The following FAM210A variants were observed in gnomAD, a reference collection of about 807,000 sequenced individuals.
FAM210A encodes the protein family with sequence similarity 210 member A.
A neutral mutation model predicts 25.3 loss-of-function variants in FAM210A; 13 were observed. The ratio of observed to expected loss-of-function variants is 0.51; its 90% CI spans 0.33 to 0.82. FAM210A has a LOEUF of 0.82. Ranked by LOEUF, FAM210A falls within the 40% of genes least tolerant of loss-of-function variation. The pLI, the probability that FAM210A is intolerant of heterozygous loss-of-function variation, is 0.02. For synonymous variants in FAM210A, 125 were observed against 118.7 expected (o/e 1.05, Z -0.35); for missense variants, 319 against 323.2 (o/e 0.99, Z 0.10).
At chr18:13,717,191 C>G (rs1363491308) in intron 1 of FAM210A, among the ~76,000 whole-genome samples, 1 of 152,078 alleles carries the variant, frequency 6.6e-6, no homozygotes, top group Non-Finnish European at 1.5e-5. Context: ...ATATGTTAAT[C>G]CCCCCAAGCA....
chr18:13,683,413 A>G (rs1160029082), intron 1 of FAM210A, among the ~76,000 whole-genome samples: 2 of 152,178 alleles, frequency 1.3e-5, no homozygotes, highest in African/African-American at 4.8e-5. Flanking sequence ...AAAGATTTAC[A>G]AGATGGCGAG....
At chr18:13,720,992 T>C (rs1260537234) in intron 1 of FAM210A, among the ~76,000 whole-genome samples, 1 of 152,208 alleles carries the variant, frequency 6.6e-6, no homozygotes, top group African/African-American at 2.4e-5. Flanking sequence ...CCAGTTGTGT[T>C]GGATTAGGGG....
rs943440145 is a variant in FAM210A, at chr18:13,695,767, C to T, written c.-28-13662G>A. On this transcript the variant is annotated intron_variant, in intron 1 of 3. Transcript: ENST00000651643. The stretch of plus-strand genomic sequence containing the variant: ...TAGGAGATATACCTAATGTAAATGA[C>T]GAGTTAATGGGTGCAGCACACCAAC... 4.0e-5 allele frequency among the ~76,000 whole-genome samples: 6 copies of T among 151,750 alleles called. No homozygotes were observed. The East Asian group carries it at 5.8e-4, about 15-fold the overall frequency.
chr18:13,712,546 A>C (rs2043829910), intron 1 of FAM210A, among the ~76,000 whole-genome samples: 2 of 152,134 alleles, frequency 1.3e-5, no homozygotes, highest in Admixed American at 1.3e-4. Flanking sequence ...TTAGGTCATG[A>C]GGGCAGAGCA....
chr18:13,681,829 A>G lies in FAM210A; in HGVS notation c.249T>C (p.His83=), dbSNP rs2043556454. 6.2e-7 allele frequency: 1 copy of G among 1,614,170 alleles called. No homozygotes were observed. Among genetic ancestry groups the G allele is most frequent in the Non-Finnish European group, 8.5e-7 (1 of 1,180,028 alleles). Residue 83 remains histidine, a synonymous_variant, in exon 2 of 4, where the codon CAT becomes CAC. Transcript: ENST00000651643. ...AHPPQPGVLR[H]KQGKQHVSFR... is the part of the protein sequence containing the mutation. Reference sequence around the variant, plus strand: ...ATGAAACATGTTGCTTCCCTTGCTTATGGCGAAGGACTCCTGGTTGGGGTG... The same window carrying G: ...ATGAAACATGTTGCTTCCCTTGCTTGTGGCGAAGGACTCCTGGTTGGGGTG...
At chr18:13,707,741 G>A (rs1412180845) in intron 1 of FAM210A, among the ~76,000 whole-genome samples, 1 of 152,224 alleles carries the variant, frequency 6.6e-6, no homozygotes, top group Non-Finnish European at 1.5e-5. Flanking sequence ...AGGAGTGTGC[G>A]CCTGTAACAA....
At chr18:13,721,436 C>A (rs1299672327) in intron 1 of FAM210A, among the ~76,000 whole-genome samples, 2 of 152,142 alleles carry the variant, frequency 1.3e-5, no homozygotes, top group Non-Finnish European at 2.9e-5. Context: ...TCTGCACAGG[C>A]CAAACAGGAG....
intron 1 of FAM210A, among the ~76,000 whole-genome samples, chr18:13,722,555 C>T (rs996533209): frequency 7.9e-5 from 12 of 152,178 alleles, no homozygotes; most frequent in Non-Finnish European, 4.4e-5. Flanking sequence ...AGGAGTTTAA[C>T]ATCCCCAGCT....
At chr18:13,689,573 C>T (rs531311595) in intron 1 of FAM210A, among the ~76,000 whole-genome samples, 45 of 152,152 alleles carry the variant, frequency 3.0e-4, no homozygotes, top group Non-Finnish European at 5.3e-4. Flanking sequence ...GCTGGACGCT[C>T]GCCCCCGTGG....
chr18:13,717,442 CCAAGTCT>C (rs2043869733), intron 1 of FAM210A, among the ~76,000 whole-genome samples: 1 of 144,638 alleles, frequency 6.9e-6, no homozygotes, highest in Admixed American at 7.2e-5. Context: ...TGTGCCCAGC[CCAAGTCT>C]AAGTTTTGAA....
At chr18:13,707,552 A>T (rs1282380307) in intron 1 of FAM210A, among the ~76,000 whole-genome samples, 1 of 152,248 alleles carries the variant, frequency 6.6e-6, no homozygotes, top group East Asian at 1.9e-4. Flanking sequence ...TGATGGTAAT[A>T]GTGACATCAA....
chr18:13,692,495 T>C (rs1231369902), intron 1 of FAM210A, among the ~76,000 whole-genome samples: 2 of 152,168 alleles, frequency 1.3e-5, no homozygotes, highest in African/African-American at 4.8e-5. Flanking sequence ...ACTGACCACA[T>C]AGTTGGAAGT....
intron 2 of FAM210A, among the ~76,000 whole-genome samples, chr18:13,681,141 T>C (rs1391187146): frequency 2.6e-5 from 4 of 152,216 alleles, no homozygotes; most frequent in African/African-American, 9.6e-5. Flanking sequence ...GTCATGGTGC[T>C]GCCAAATTTC....
chr18:13,681,735 A>C lies in FAM210A; in HGVS notation c.343T>G (p.Leu115Val). 2 of 1,614,214 alleles carry C rather than the reference A, an allele frequency of 1.2e-6. No individual in the cohort carries two copies. Among genetic ancestry groups the C allele is most frequent in the Non-Finnish European group, 1.7e-6 (2 of 1,180,038 alleles). The change falls in exon 2 of 4, where the codon TTG becomes GTG. Residue 115 changes from leucine (L) to valine (V), a missense_variant. Transcript: ENST00000651643. ...TPEKKEEPDP[L>V]QDKSISLYQR... is the part of the protein sequence containing the mutation. Reference sequence around the variant, plus strand: ...TAAAGACTAATAGATTTGTCTTGCAAAGGATCAGGCTCTTCCTTTTTTTCC... The same window carrying C: ...TAAAGACTAATAGATTTGTCTTGCACAGGATCAGGCTCTTCCTTTTTTTCC...
In FAM210A at chr18:13,664,957, T is replaced by G. The variant is rs1001207747; in HGVS notation, c.*1523A>C. The stretch of plus-strand genomic sequence containing the variant: ...AGGGTTAGAACTGAAATAGTCACTG[T>G]TAGAGCACAGGAAATAGACACTTAC... On this transcript the variant is annotated 3_prime_UTR_variant, in exon 4 of 4. Transcript: ENST00000651643. 6.6e-6 allele frequency: 1 copy of G among 152,604 alleles called. No individual in the cohort carries two copies. The highest frequency in any genetic ancestry group is 1.5e-5 in the Non-Finnish European group (1 of 68,034). The allele number at this position is 152,604 out of a possible 1,614,324, so 9.5% of individuals were successfully genotyped here.
intron 3 of FAM210A, among the ~76,000 whole-genome samples, chr18:13,669,817 T>A (rs2043427864): frequency 6.6e-6 from 1 of 152,178 alleles, no homozygotes; most frequent in Non-Finnish European, 1.5e-5. Flanking sequence ...AAAGAGATTA[T>A]GAGGCAGTCA....
rs2043392380 is a variant in FAM210A, at chr18:13,665,405, A to AAAAAAAAAAAAAAAAAAAAC, written c.*1074_*1075insGTTTTTTTTTTTTTTTTTTT. 7.8e-6 allele frequency: 1 copy of AAAAAAAAAAAAAAAAAAAAC among 128,098 alleles called. No homozygotes were observed. The highest frequency in any genetic ancestry group is 8.5e-5 in the Admixed American group (1 of 11,826). 7.9% of individuals were successfully genotyped at this position (128,098 alleles called of 1,614,324 possible). On this transcript the variant is annotated 3_prime_UTR_variant, in exon 4 of 4. Coordinates refer to ENST00000651643, the MANE Select transcript of FAM210A (RefSeq NM_152352.4). ...TCAAAAAAAAAAAAAAAAAAAAAAA[A>AAAAAAAAAAAAAAAAAAAAC]AATCAAGTAGAATGCTCAAACAAGG...
chr18:13,710,352 T>C (rs2043811890), intron 1 of FAM210A: 1 of 152,114 alleles, frequency 6.6e-6, no homozygotes, highest in Non-Finnish European at 1.5e-5. Context: ...CCCAGCTAAT[T>C]TTTGTATTTT....
chr18:13,702,409 T>G (rs2043747864), intron 1 of FAM210A, among the ~76,000 whole-genome samples: 1 of 152,238 alleles, frequency 6.6e-6, no homozygotes. Context: ...ATAAGCCCGC[T>G]GCTCAAGACG....
Sources: allele counts gnomAD v4.1 joint callset (sites outside exome capture counted in the v4.1 genomes callset), GRCh38; gene constraint gnomAD v4.1.1; transcripts MANE v1.5; gene names NCBI Gene and HGNC (gene_info 2026-07-23, HGNC 2026-07-21).